Variants in CCDC191 observed in about 807,000 individuals in gnomAD.
CCDC191 encodes the protein coiled-coil domain containing 191.
A neutral mutation model predicts 114.0 loss-of-function variants in CCDC191; 99 were observed. The ratio of observed to expected loss-of-function variants is 0.87; its 90% confidence interval spans 0.74 to 1.03. The LOEUF is 1.03. CCDC191 is among the 50% of genes least tolerant of loss of function. The pLI, the probability that CCDC191 is intolerant of heterozygous loss-of-function variation, is 0.00. For missense variants in CCDC191, 973 were observed against 1,087.0 expected (o/e 0.90, Z 1.47); for synonymous variants, 351 against 376.0 (o/e 0.93, Z 0.77).
intron 13 of CCDC191, among the ~76,000 whole-genome samples, chr3:113,999,298 C>A (rs2075804646): frequency 6.6e-6 from 1 of 152,142 alleles, no homozygotes; most frequent in African/African-American, 2.4e-5. Flanking sequence ...CATAATGATT[C>A]CACTTAACTG....
chr3:113,973,966 A>T (rs988743210), intron 16 of CCDC191, among the ~76,000 whole-genome samples: 1 of 149,324 alleles, frequency 6.7e-6, no homozygotes, highest in African/African-American at 2.5e-5. Context: ...GGCTGTCTTC[A>T]TTCCTTTTCT....
intron 13 of CCDC191, among the ~76,000 whole-genome samples, chr3:114,001,094 CTGTG>C (rs1215941772): frequency 3.3e-5 from 5 of 152,108 alleles, no homozygotes; most frequent in Non-Finnish European, 5.9e-5. Context: ...CTTATTTCTT[CTGTG>C]TGTATTATTA....
intron 1 of CCDC191, among the ~76,000 whole-genome samples, chr3:114,055,179 A>G (rs2076752405): frequency 6.6e-6 from 1 of 152,234 alleles, no homozygotes; most frequent in South Asian, 2.1e-4. Context: ...TGCAACAAAG[A>G]AAGAGCTGAT....
In CCDC191 at chr3:113,980,709, T is replaced by C. The variant is rs1212459774; in HGVS notation, c.2248A>G (p.Arg750Gly). Residue 750 changes from arginine (R) to glycine (G), a missense_variant, in exon 14 of 17, where the codon AGG becomes GGG. Physicochemically the swap from Arg to Gly is moderately radical, Grantham distance 125. Coordinates refer to ENST00000295878, the MANE Select transcript of CCDC191 (RefSeq NM_020817.2). ...AKEHYERVLL[R>G]KKGLEPWKRL... ...TTCCAAGGCTCTAGACCTTTTTTCC[T>C]TAGCAAGACCCTTTCATAATGTTCT... The C allele has an allele frequency of 1.9e-6, 3 of 1,610,136 alleles. No individual in the cohort carries two copies. The highest frequency in any genetic ancestry group is 2.5e-6 in the Non-Finnish European group (3 of 1,178,898).
intron 13 of CCDC191, chr3:113,984,404 T>C (rs2075281432): frequency 6.6e-6 from 1 of 152,198 alleles, no homozygotes; most frequent in South Asian, 2.1e-4. Flanking sequence ...GAAGTGCCAC[T>C]ATCTTTTTGA....
intron 2 of CCDC191, among the ~76,000 whole-genome samples, chr3:114,048,760 T>C (rs748158009): frequency 2.0e-5 from 3 of 152,232 alleles, no homozygotes; most frequent in Non-Finnish European, 2.9e-5. Context: ...TCTTATCGTA[T>C]ATTTAATCAC....
chr3:114,016,020 G>T (rs137970791), intron 8 of CCDC191, among the ~76,000 whole-genome samples: 57 of 152,302 alleles, frequency 3.7e-4, no homozygotes, highest in Non-Finnish European at 6.5e-4. Flanking sequence ...AGGGGCAAAA[G>T]AAAAAAGCCC....
intron 16 of CCDC191, among the ~76,000 whole-genome samples, chr3:113,977,168 G>A (rs1250783587): frequency 6.6e-6 from 1 of 152,166 alleles, no homozygotes; most frequent in African/African-American, 2.4e-5. Flanking sequence ...GTCGTGGTGT[G>A]TGCCTGTAAT....
At chr3:114,000,736 G>A (rs757767584) in intron 13 of CCDC191, among the ~76,000 whole-genome samples, 3 of 151,816 alleles carry the variant, frequency 2.0e-5, no homozygotes, top group South Asian at 2.1e-4. Context: ...CTGCTGCCTC[G>A]AACTCCTGGG....
chr3:113,975,586 T>G (rs1168483192), intron 16 of CCDC191, among the ~76,000 whole-genome samples: 1 of 152,190 alleles, frequency 6.6e-6, no homozygotes, highest in Non-Finnish European at 1.5e-5. Flanking sequence ...CCACTCTGTT[T>G]AACATGTAAA....
chr3:114,023,557 G>A (rs1196853983), intron 7 of CCDC191, among the ~76,000 whole-genome samples: 2 of 152,000 alleles, frequency 1.3e-5, no homozygotes, highest in South Asian at 4.1e-4. Context: ...TGTGACATAT[G>A]TACAACTATC....
At chr3:114,006,022 A>G in intron 9 of CCDC191, 60 bp from the exon 10 acceptor site, 1 of 1,420,516 alleles carries the variant, frequency 7.0e-7, no homozygotes, top group South Asian at 1.1e-5. Flanking sequence ...ATGAAATCCA[A>G]CATTTATGAG....
intron 13 of CCDC191, among the ~76,000 whole-genome samples, chr3:113,982,925 G>A (rs1036856392): frequency 9.9e-5 from 15 of 151,206 alleles, no homozygotes; most frequent in African/African-American, 3.6e-4. Context: ...GTATAGATGC[G>A]GATCTCTTTC....
chr3:114,006,436 G>C (rs1050034943), intron 9 of CCDC191, among the ~76,000 whole-genome samples: 2 of 150,018 alleles, frequency 1.3e-5, no homozygotes, highest in African/African-American at 4.9e-5. Flanking sequence ...GCAACACAGC[G>C]AGACCCTGGC....
chr3:113,986,920 C>T (rs752850009), intron 13 of CCDC191, among the ~76,000 whole-genome samples: 12 of 152,150 alleles, frequency 7.9e-5, no homozygotes, highest in African/African-American at 1.2e-4. Flanking sequence ...GCCAACCATG[C>T]AGGCACCCTG....
At chr3:114,015,124 G>A (rs942651348) in intron 8 of CCDC191, among the ~76,000 whole-genome samples, 5 of 151,942 alleles carry the variant, frequency 3.3e-5, no homozygotes, top group Non-Finnish European at 7.4e-5. Context: ...CTCCCACTTT[G>A]GGCACTGTTT....
intron 8 of CCDC191, among the ~76,000 whole-genome samples, chr3:114,016,424 G>A (rs546763835): frequency 6.6e-6 from 1 of 152,276 alleles, no homozygotes; most frequent in African/African-American, 2.4e-5. Flanking sequence ...GTGACCTTGA[G>A]TCATTTACTG....
chr3:113,968,234 A>G (rs955232648), intron 16 of CCDC191, among the ~76,000 whole-genome samples: 3 of 152,132 alleles, frequency 2.0e-5, no homozygotes, highest in African/African-American at 7.2e-5. Flanking sequence ...TGGCTGTACT[A>G]ATTTACACTC....
At chr3:114,050,017 A>G (rs374689875) in intron 2 of CCDC191, among the ~76,000 whole-genome samples, 2 of 152,326 alleles carry the variant, frequency 1.3e-5, no homozygotes, top group Admixed American at 6.5e-5. Context: ...TTGGTTTCCT[A>G]TATCATGTGT....
Sources: gnomAD v4.1 joint callset for allele counts (sites outside exome capture counted in the v4.1 genomes callset) on GRCh38, gnomAD v4.1.1 for gene constraint, MANE v1.5 for transcripts, NCBI Gene and HGNC (gene_info 2026-07-23, HGNC 2026-07-21) for gene names.